RBMS3: variants seen among roughly 807,000 people sequenced by gnomAD.
RBMS3 encodes the protein RNA binding motif single stranded interacting protein 3, also known as RNA-binding motif, single-stranded-interacting protein 3.
RBMS3 carries 27 observed loss-of-function variants against 66.8 expected under a neutral mutation model. The ratio of observed to expected loss-of-function variants is 0.40; its 90% CI spans 0.30 to 0.56. RBMS3 has a LOEUF of 0.56. RBMS3 is among the 20% of genes least tolerant of loss of function. RBMS3 has a pLI of 0.40. For synonymous variants in RBMS3, 188 were observed against 183.0 expected (o/e 1.03, Z -0.22); for missense variants, 513 against 549.5 (o/e 0.93, Z 0.66).
At chr3:29,417,312 C>A (rs1040720549) in intron 1 of RBMS3, among the ~76,000 whole-genome samples, 1 of 151,774 alleles carries the variant, frequency 6.6e-6, no homozygotes, top group Non-Finnish European at 1.5e-5. Flanking sequence ...ACTTAAGGCA[C>A]AACAAGACCT....
At chr3:29,321,968 A>T (rs2125492788) in intron 1 of RBMS3, among the ~76,000 whole-genome samples, 1 of 152,296 alleles carries the variant, frequency 6.6e-6, no homozygotes, top group Non-Finnish European at 1.5e-5. Context: ...ATTAGATATT[A>T]TAATGGATCC....
chr3:29,579,825 T>C (rs980677494), intron 3 of RBMS3, among the ~76,000 whole-genome samples: 2 of 152,202 alleles, frequency 1.3e-5, no homozygotes, highest in Admixed American at 6.5e-5. Flanking sequence ...TGCAATATTA[T>C]AATAAAATAA....
chr3:29,495,967 C>T (rs536982045), intron 3 of RBMS3, among the ~76,000 whole-genome samples: 45 of 152,044 alleles, frequency 3.0e-4, no homozygotes, highest in African/African-American at 1.1e-3. Flanking sequence ...GAAACCAACA[C>T]CATGGAAAGC....
intron 1 of RBMS3, among the ~76,000 whole-genome samples, chr3:29,381,900 A>G (rs543823828): frequency 6.6e-6 from 1 of 152,144 alleles, no homozygotes; most frequent in Non-Finnish European, 1.5e-5. Flanking sequence ...GAAAGAAAAC[A>G]GGGCCTAGCA....
chr3:29,701,325 C>T (rs1047948943), intron 4 of RBMS3, among the ~76,000 whole-genome samples: 1 of 152,098 alleles, frequency 6.6e-6, no homozygotes, highest in African/African-American at 2.4e-5. Flanking sequence ...AATGTTACCT[C>T]CGTAAAAAAC....
At chr3:29,898,229 G>T (rs1183802236) in intron 9 of RBMS3, among the ~76,000 whole-genome samples, 1 of 151,630 alleles carries the variant, frequency 6.6e-6, no homozygotes, top group Non-Finnish European at 1.5e-5. Flanking sequence ...TCTTCAAACA[G>T]TTCTTCCAAT....
intron 6 of RBMS3, among the ~76,000 whole-genome samples, chr3:29,805,209 C>T (rs28581507): frequency 6.6e-6 from 1 of 151,916 alleles, no homozygotes; most frequent in Non-Finnish European, 1.5e-5. Context: ...TCCTAATGTC[C>T]TAGCACAATG....
At chr3:29,530,734 T>C (rs944127290) in intron 3 of RBMS3, among the ~76,000 whole-genome samples, 32 of 148,464 alleles carry the variant, frequency 2.2e-4, no homozygotes, top group African/African-American at 7.9e-4. Flanking sequence ...TAGATGGGCG[T>C]GGTGGCGGCT....
chr3:29,392,717 A>G (rs2039356728), intron 1 of RBMS3, among the ~76,000 whole-genome samples: 1 of 152,174 alleles, frequency 6.6e-6, no homozygotes, highest in African/African-American at 2.4e-5. Flanking sequence ...ACACACAGAC[A>G]TACACACAGA....
intron 6 of RBMS3, among the ~76,000 whole-genome samples, chr3:29,830,313 AC>A: frequency 6.6e-6 from 1 of 152,160 alleles, no homozygotes; most frequent in African/African-American, 2.4e-5. Context: ...TCAAAACAGA[AC>A]ATTTTAGTTT....
At chr3:29,714,700 G>C (rs2053315626) in intron 4 of RBMS3, among the ~76,000 whole-genome samples, 1 of 151,858 alleles carries the variant, frequency 6.6e-6, no homozygotes, top group African/African-American at 2.4e-5. Context: ...GGTAGGATTA[G>C]GTTGTAGAAA....
chr3:29,660,214 A>G (rs899090358), intron 4 of RBMS3, among the ~76,000 whole-genome samples: 4 of 151,968 alleles, frequency 2.6e-5, no homozygotes, highest in African/African-American at 9.7e-5. Flanking sequence ...TTTACTTCAT[A>G]TATTTGATGG....
chr3:29,412,676 G>A (rs1258465724), intron 1 of RBMS3, among the ~76,000 whole-genome samples: 2 of 152,180 alleles, frequency 1.3e-5, no homozygotes, highest in Non-Finnish European at 2.9e-5. Context: ...CTGAGAATCA[G>A]AAGTGTGGCT....
intron 2 of RBMS3, among the ~76,000 whole-genome samples, chr3:29,464,098 T>C (rs1212892553): frequency 1.3e-5 from 2 of 152,086 alleles, no homozygotes; most frequent in Non-Finnish European, 2.9e-5. Context: ...CCTGCAACCC[T>C]TAACTTGTGT....
At chr3:29,387,581 C>T (rs988512719) in intron 1 of RBMS3, among the ~76,000 whole-genome samples, 1 of 152,052 alleles carries the variant, frequency 6.6e-6, no homozygotes, top group African/African-American at 2.4e-5. Context: ...AATCTGTTCT[C>T]CACCGTGCAG....
chr3:29,378,451 G>A (rs866318712), intron 1 of RBMS3, among the ~76,000 whole-genome samples: 17 of 149,124 alleles, frequency 1.1e-4, no homozygotes, highest in African/African-American at 4.2e-4. Flanking sequence ...CAGCCTGAGT[G>A]ACAGAGTGAG....
chr3:29,827,699 T>A (rs2058245825), intron 6 of RBMS3, among the ~76,000 whole-genome samples: 1 of 152,094 alleles, frequency 6.6e-6, no homozygotes, highest in Non-Finnish European at 1.5e-5. Context: ...GGTAATACAT[T>A]ATTTAAATAT....
intron 12 of RBMS3, among the ~76,000 whole-genome samples, chr3:29,959,525 C>T (rs557430931): frequency 6.6e-6 from 1 of 152,058 alleles, no homozygotes; most frequent in East Asian, 1.9e-4. Context: ...ACCACTTAAG[C>T]CAATCAGCAA....
chr3:29,517,476 C>T (rs1559430324), intron 3 of RBMS3, among the ~76,000 whole-genome samples: 1 of 151,994 alleles, frequency 6.6e-6, no homozygotes, highest in Non-Finnish European at 1.5e-5. Context: ...GTGCCTGCCA[C>T]CACGCCAGGC....
Sources: allele counts gnomAD v4.1 joint callset (sites outside exome capture counted in the v4.1 genomes callset), GRCh38; gene constraint gnomAD v4.1.1; transcripts MANE v1.5; gene names NCBI Gene and HGNC (gene_info 2026-07-23, HGNC 2026-07-21).